The following GATAD2B variants were observed in gnomAD, a reference collection of about 807,000 sequenced individuals.
GATAD2B encodes GATA zinc finger domain containing 2B, also known as transcriptional repressor p66-beta.
A neutral mutation model predicts 64.3 loss-of-function variants in GATAD2B; 8 were observed. The observed-to-expected ratio is 0.12, with a 90% CI of 0.07 to 0.22. GATAD2B has a LOEUF of 0.22. Ranked by LOEUF, GATAD2B falls within the 10% of genes least tolerant of loss-of-function variation. The pLI is 1.00. For synonymous variants in GATAD2B, 281 were observed against 271.3 expected (o/e 1.04, Z -0.35); for missense variants, 453 against 752.0 (o/e 0.60, Z 4.65).
intron 2 of GATAD2B, among the ~76,000 whole-genome samples, chr1:153,819,981 C>T (rs1674622055): frequency 6.6e-6 from 1 of 151,780 alleles, no homozygotes; most frequent in African/African-American, 2.4e-5. Context: ...ACCTGTAGTC[C>T]CAGCTACTCA....
Position 153,818,148 on chromosome 1 carries a change from T to A in GATAD2B, c.621A>T (p.Ala207=). Residue 207 remains alanine (A), a synonymous_variant, in exon 5 of 11, where the codon GCA becomes GCT. Transcript: ENST00000368655. ...VQKTPVVQNA[A]SIVQPSPAHV... ...GGGCAGGAGATGGCTGAACAATAGA[T>A]GCTGCATTCTGTACAACTGGAGTCT... 1 of 1,611,350 alleles carries A rather than the reference T, an allele frequency of 6.2e-7. No individual in the cohort carries two copies. The highest frequency in any genetic ancestry group is 8.5e-7 in the Non-Finnish European group (1 of 1,178,854).
Position 153,818,025 on chromosome 1 carries a change from C to T in GATAD2B, c.729+15G>A, listed in dbSNP as rs4363451. ...ACGGCCCTCCAACACTAAGATCCCACTATGGGTCACATACCTGTAATGTTC... is the reference window on the plus strand; with the variant it reads ...ACGGCCCTCCAACACTAAGATCCCATTATGGGTCACATACCTGTAATGTTC... On this transcript the variant is annotated intron_variant, in intron 5 of 10. Transcript: ENST00000368655. 481,185 of 1,579,648 alleles carry T rather than the reference C, an allele frequency of 0.3. 75,549 individuals are homozygous for T. The highest frequency in any genetic ancestry group is 0.42 in the Admixed American group (22,222 of 53,126).
Position 153,817,549 on chromosome 1 carries a change from G to A in GATAD2B, c.730-7C>T, listed in dbSNP as rs375252851. ...AACGGATGACACTGTGACCCTGGAG[G>A]GGAAGAAGAGGAAAAGAACTAATCA... On this transcript the variant is annotated splice_region_variant and splice_polypyrimidine_tract_variant and intron_variant, in intron 5 of 10. Transcript: ENST00000368655. The A allele has an allele frequency of 5.1e-6, 8 of 1,575,450 alleles. No individual in the cohort carries two copies. The highest frequency in any genetic ancestry group is 1.4e-5 in the African/African-American group (1 of 73,474).
intron 1 of GATAD2B, among the ~76,000 whole-genome samples, chr1:153,858,005 G>A (rs926380669): frequency 1.3e-5 from 2 of 152,114 alleles, no homozygotes; most frequent in African/African-American, 2.4e-5. Context: ...TATAGTAACT[G>A]GAGAAATCTG....
intron 1 of GATAD2B, among the ~76,000 whole-genome samples, chr1:153,893,057 T>G (rs562497440): frequency 2.2e-4 from 34 of 152,076 alleles, no homozygotes; most frequent in Non-Finnish European, 3.5e-4. Flanking sequence ...TCAAGTTCTG[T>G]GAGGCTGTAC....
At chr1:153,838,570 T>C (rs985873176) in intron 1 of GATAD2B, among the ~76,000 whole-genome samples, 2 of 152,040 alleles carry the variant, frequency 1.3e-5, no homozygotes, top group Admixed American at 1.3e-4. Context: ...GGTGCAATCA[T>C]GGCTCACTGA....
At chr1:153,904,678 A>T (rs1677873019) in intron 1 of GATAD2B, among the ~76,000 whole-genome samples, 1 of 151,772 alleles carries the variant, frequency 6.6e-6, no homozygotes, top group African/African-American at 2.4e-5. Flanking sequence ...AGAAGCTGGG[A>T]CTATAGGCGT....
At chr1:153,908,351 G>A (rs915404918) in intron 1 of GATAD2B, among the ~76,000 whole-genome samples, 3 of 152,064 alleles carry the variant, frequency 2.0e-5, no homozygotes, top group African/African-American at 7.2e-5. Flanking sequence ...AAAATGAAAA[G>A]TAAAACATAA....
chr1:153,919,748 G>C (rs1348961656), intron 1 of GATAD2B, among the ~76,000 whole-genome samples: 1 of 152,202 alleles, frequency 6.6e-6, no homozygotes, highest in Non-Finnish European at 1.5e-5. Context: ...CCAAGCAAGA[G>C]GTGGACAGCT....
At chr1:153,908,576 C>T (rs1219347527) in intron 1 of GATAD2B, among the ~76,000 whole-genome samples, 1 of 151,380 alleles carries the variant, frequency 6.6e-6, no homozygotes, top group Admixed American at 6.6e-5. Context: ...TCCAGCGATT[C>T]TCCTGCCTCA....
intron 7 of GATAD2B, among the ~76,000 whole-genome samples, chr1:153,815,280 C>CAAAACAAAAAAAAAA (rs1674428829): frequency 3.0e-5 from 2 of 66,624 alleles, no homozygotes; most frequent in Non-Finnish European, 5.4e-5. Context: ...CTCAAAAAAA[C>CAAAACAAAAAAAAAA]AAAAAAAAAA....
intron 1 of GATAD2B, among the ~76,000 whole-genome samples, chr1:153,838,228 A>G (rs1675342101): frequency 6.6e-6 from 1 of 152,206 alleles, no homozygotes; most frequent in Admixed American, 6.5e-5. Flanking sequence ...GTATCTGCAC[A>G]TCTATCCATC....
chr1:153,828,077 T>A lies in GATAD2B; in HGVS notation c.271A>T (p.Thr91Ser). 6.2e-7 allele frequency: 1 copy of A among 1,614,178 alleles called. No homozygotes were observed. The highest frequency in any genetic ancestry group is 1.1e-5 in the South Asian group (1 of 91,090). ...TTTTCTTTGCCTGGCCTTCCAGCAG[T>A]CCTGTTGTCTCCATGAGGCCTGAGA... ...GNLRPHGDNR[T>S]AGRPGKENIN... The change falls in exon 2 of 11, where the codon ACT becomes TCT. Residue 91 changes from threonine (T) to serine (S), a missense_variant. Around this residue, in one of 2 missense-constraint regions of GATAD2B, gnomAD observed 293 missense variants for 417.2 expected, o/e 0.70. Coordinates refer to ENST00000368655, the MANE Select transcript of GATAD2B (RefSeq NM_020699.4).
intron 1 of GATAD2B, among the ~76,000 whole-genome samples, chr1:153,902,281 C>CA (rs1388298371): frequency 5.4e-5 from 8 of 146,860 alleles, no homozygotes; most frequent in African/African-American, 2.0e-4. Flanking sequence ...AACTCCATCT[C>CA]AAAAAAAAGA....
chr1:153,911,086 G>A (rs1678097071), intron 1 of GATAD2B, among the ~76,000 whole-genome samples: 1 of 152,084 alleles, frequency 6.6e-6, no homozygotes, highest in African/African-American at 2.4e-5. Context: ...ATATTCTCTG[G>A]AACACAGATG....
rs371596888 is a variant in GATAD2B at position 153,816,539 on chromosome 1, T to C, written c.950A>G (p.Tyr317Cys). 2 of 1,613,896 alleles carry C rather than the reference T, an allele frequency of 1.2e-6. No individual in the cohort carries two copies. The highest frequency in any genetic ancestry group is 1.7e-6 in the Non-Finnish European group (2 of 1,179,754). ...PCQRTTSSAI[Y>C]MNLASHIQPG... Reference sequence around the variant, plus strand: ...CTGGATATGAGAAGCAAGGTTCATATAGATGGCAGAGGATGTTGTACGCTG... The same window carrying C: ...CTGGATATGAGAAGCAAGGTTCATACAGATGGCAGAGGATGTTGTACGCTG... The change falls in exon 7 of 11, where the codon TAT becomes TGT. Residue 317 changes from tyrosine to cysteine, a missense_variant. Around this residue, in one of 2 missense-constraint regions of GATAD2B, gnomAD observed 293 missense variants for 417.2 expected, o/e 0.70. Coordinates refer to ENST00000368655, the MANE Select transcript of GATAD2B (RefSeq NM_020699.4). This position sits in a 1 kb window ranked among gnomAD's most constrained non-coding sequence, Gnocchi z 4.9.
chr1:153,903,682 T>C (rs1213216415), intron 1 of GATAD2B, among the ~76,000 whole-genome samples: 1 of 152,184 alleles, frequency 6.6e-6, no homozygotes, highest in Non-Finnish European at 1.5e-5. Flanking sequence ...AAATATTCTT[T>C]CCCAATAAAG....
chr1:153,919,341 C>CT (rs1468520392), intron 1 of GATAD2B, among the ~76,000 whole-genome samples: 1 of 152,178 alleles, frequency 6.6e-6, no homozygotes, highest in Non-Finnish European at 1.5e-5. Flanking sequence ...GTTAAAAGCC[C>CT]TAATGACCCT....
At chr1:153,811,904 G>C (rs1024262134) in intron 9 of GATAD2B, 56 bp from the exon 10 acceptor site, 1 of 1,348,788 alleles carries the variant, frequency 7.4e-7, no homozygotes, top group South Asian at 1.2e-5. Flanking sequence ...TGTTAAGCGG[G>C]GGCAAAGATA....
Sources: gnomAD v4.1 joint callset for allele counts (sites outside exome capture counted in the v4.1 genomes callset) on GRCh38, gnomAD v4.1.1 for gene constraint, gnomAD v4.1.1 regional missense constraint, Gnocchi (gnomAD v3.1) non-coding constraint, MANE v1.5 for transcripts, NCBI Gene and HGNC (gene_info 2026-07-23, HGNC 2026-07-21) for gene names.